PHF2: variants seen among roughly 807,000 people sequenced by gnomAD.
PHF2 encodes the protein PHD finger protein 2.
Under a neutral mutation model 120.5 loss-of-function variants are expected in PHF2, and 27 were observed. The ratio of observed to expected loss-of-function variants is 0.22; its 90% CI spans 0.17 to 0.31. PHF2 has a LOEUF of 0.31. PHF2 is among the 10% of genes least tolerant of loss of function. PHF2 has a pLI of 1.00. For missense variants in PHF2, 1,024 were observed against 1,434.8 expected (o/e 0.71, Z 4.63); for synonymous variants, 568 against 592.5 (o/e 0.96, Z 0.60).
At chr9:93,674,868 C>G in intron 18 of PHF2, 59 bp from the exon 19 acceptor site, 1 of 1,292,056 alleles carries the variant, frequency 7.7e-7, no homozygotes, top group Non-Finnish European at 1.1e-6. Context: ...CCCCCCCGCC[C>G]TCCTCCGTGG....
chr9:93,626,514 C>A (rs1034286199), intron 1 of PHF2, among the ~76,000 whole-genome samples: 2 of 152,196 alleles, frequency 1.3e-5, no homozygotes, highest in African/African-American at 4.8e-5. Context: ...CAAGTACTTT[C>A]TCCTTTAATG....
At chr9:93,621,533 T>G (rs1364006853) in intron 1 of PHF2, among the ~76,000 whole-genome samples, 1 of 152,150 alleles carries the variant, frequency 6.6e-6, no homozygotes, top group African/African-American at 2.4e-5. Flanking sequence ...CTTGTGCAAG[T>G]GGATTGGCTG....
chr9:93,630,653 A>G (rs1009384905), intron 2 of PHF2, among the ~76,000 whole-genome samples: 10 of 152,130 alleles, frequency 6.6e-5, no homozygotes, highest in Non-Finnish European at 1.2e-4. Context: ...GTCCTGGGAT[A>G]CAGGCTTGGT....
In PHF2 at chr9:93,656,961, C is replaced by T. The variant is rs895875941; in HGVS notation, c.1147+366C>T. 3.3e-5 allele frequency among the ~76,000 whole-genome samples: 5 copies of T among 151,978 alleles called. No homozygotes were observed. The highest frequency in any genetic ancestry group is 7.4e-5 in the Non-Finnish European group (5 of 67,996). Reference sequence around the variant, plus strand: ...TCTGTCACCAGCTGAGGAGTGGGTGCGAGTGGGCTCTGGGTCCCCTTAGGC... The same window carrying T: ...TCTGTCACCAGCTGAGGAGTGGGTGTGAGTGGGCTCTGGGTCCCCTTAGGC... On this transcript the variant is annotated intron_variant, in intron 9 of 21. Coordinates refer to ENST00000359246, the MANE Select transcript of PHF2 (RefSeq NM_005392.4). The surrounding 1 kb of genome is among the most constrained non-coding windows in gnomAD (Gnocchi z 4.1).
intron 5 of PHF2, among the ~76,000 whole-genome samples, chr9:93,650,172 C>T (rs1002541383): frequency 6.6e-6 from 1 of 151,758 alleles, no homozygotes. Flanking sequence ...CACTCGCCAA[C>T]ACACCTGTGA....
chr9:93,598,473 G>C (rs1192953390), intron 1 of PHF2, among the ~76,000 whole-genome samples: 1 of 152,168 alleles, frequency 6.6e-6, no homozygotes, highest in Non-Finnish European at 1.5e-5. Flanking sequence ...ATAAGTGGCA[G>C]TTTTGAGAAA....
intron 4 of PHF2, among the ~76,000 whole-genome samples, chr9:93,646,541 A>G (rs1826263613): frequency 1.3e-5 from 2 of 152,214 alleles, no homozygotes; most frequent in African/African-American, 4.8e-5. Context: ...AGGCAGGCAC[A>G]CTGGCCTCTC....
intron 16 of PHF2, 133 bp from the exon 17 acceptor site, chr9:93,666,947 T>A (rs1016797038): frequency 4.3e-6 from 2 of 461,990 alleles, no homozygotes; most frequent in Admixed American, 4.8e-5. Flanking sequence ...TAAATAAAAA[T>A]AAAAATAAAA....
At chr9:93,670,952 G>A (rs972279376) in intron 17 of PHF2, 1 of 957,424 alleles carries the variant, frequency 1.0e-6, no homozygotes, top group South Asian at 4.8e-5. Context: ...TGCCAGAAGT[G>A]GGTGAACTTG....
chr9:93,651,267 G>T (rs1235480115), intron 5 of PHF2, among the ~76,000 whole-genome samples: 1 of 152,166 alleles, frequency 6.6e-6, no homozygotes, highest in South Asian at 2.1e-4. Context: ...TTACTGCCCT[G>T]CCTGGGTTGA....
chr9:93,613,182 G>A (rs76433012), intron 1 of PHF2, among the ~76,000 whole-genome samples: 3,643 of 152,332 alleles, frequency 0.024, 74 homozygotes, highest in South Asian at 0.06. Context: ...CCCATCAGTC[G>A]TGTTTGGGGT....
intron 3 of PHF2, among the ~76,000 whole-genome samples, chr9:93,640,284 G>T (rs1025895026): frequency 6.6e-6 from 1 of 152,012 alleles, no homozygotes; most frequent in Non-Finnish European, 1.5e-5. Context: ...TTATTCTACT[G>T]CATTTTCTCT....
chr9:93,660,619 G>A (rs1431861736), intron 12 of PHF2, 59 bp downstream of exon 12: 6 of 1,459,658 alleles, frequency 4.1e-6, no homozygotes, highest in African/African-American at 2.8e-5. Context: ...AGCATCTCTT[G>A]TGGGCCAGTC....
At chr9:93,602,465 C>T (rs1825460287) in intron 1 of PHF2, among the ~76,000 whole-genome samples, 1 of 151,968 alleles carries the variant, frequency 6.6e-6, no homozygotes, top group South Asian at 2.1e-4. Context: ...GTTGCCCAGG[C>T]TGGTCTCGAA....
chr9:93,653,338 C>T lies in PHF2; in HGVS notation c.762C>T (p.Gly254=), dbSNP rs763401609. ...CCGACTTCCACATCGACTCTGGGGG[C>T]GCCTCTGCCTGGTACCACGTGCTCA... ...SYTDFHIDSG[G]ASAWYHVLKG... The change falls in exon 6 of 22, where the codon GGC becomes GGT. Residue 254 remains glycine (G), a synonymous_variant. Coordinates refer to ENST00000359246, the MANE Select transcript of PHF2 (RefSeq NM_005392.4). 2.0e-5 allele frequency: 33 copies of T among 1,613,664 alleles called. No homozygotes were observed. The highest frequency in any genetic ancestry group is 2.7e-5 in the African/African-American group (2 of 74,938).
At chr9:93,591,527 A>G (rs1045094939) in intron 1 of PHF2, among the ~76,000 whole-genome samples, 1 of 152,220 alleles carries the variant, frequency 6.6e-6, no homozygotes, top group Non-Finnish European at 1.5e-5. Flanking sequence ...CTGAAGCTGC[A>G]CAGTGAGTTA....
At chr9:93,653,749 G>T (rs1014746931) in intron 6 of PHF2, among the ~76,000 whole-genome samples, 7 of 152,218 alleles carry the variant, frequency 4.6e-5, no homozygotes, top group African/African-American at 1.4e-4. Flanking sequence ...GGGCAGGGAA[G>T]GCTAGGAGCC....
At chr9:93,601,732 T>C (rs1290961606) in intron 1 of PHF2, among the ~76,000 whole-genome samples, 1 of 152,098 alleles carries the variant, frequency 6.6e-6, no homozygotes, top group African/African-American at 2.4e-5. Context: ...TGCTGTGTGC[T>C]GAGGGCTGTG....
intron 1 of PHF2, among the ~76,000 whole-genome samples, chr9:93,579,368 TAC>T (rs1862892860): frequency 6.6e-6 from 1 of 152,202 alleles, no homozygotes; most frequent in South Asian, 2.1e-4. Flanking sequence ...CCAAAAATGG[TAC>T]AGTTTCCCTG....
Sources: gnomAD v4.1 joint callset for allele counts (sites outside exome capture counted in the v4.1 genomes callset) on GRCh38, gnomAD v4.1.1 for gene constraint, Gnocchi (gnomAD v3.1) non-coding constraint, MANE v1.5 for transcripts, NCBI Gene and HGNC (gene_info 2026-07-23, HGNC 2026-07-21) for gene names.